The following IL12RB2 variants were observed in gnomAD, a reference collection of about 807,000 sequenced individuals.
The protein encoded by IL12RB2 is interleukin-12 receptor subunit beta-2.
Under a neutral mutation model 89.4 loss-of-function variants are expected in IL12RB2, and 82 were observed. The observed-to-expected ratio is 0.92, with a 90% CI of 0.77 to 1.10. The LOEUF is 1.10. Among genes scored for constraint, IL12RB2 ranks in the 50% least tolerant of loss-of-function variants. The pLI is 0.00. For synonymous variants in IL12RB2, 368 were observed against 370.1 expected, an observed-to-expected ratio of 0.99 and a Z score of 0.07; for missense variants, 963 against 1,031.9, an observed-to-expected ratio of 0.93 and a Z score of 0.92.
In IL12RB2 at chr1:67,345,833, A is replaced by G. The variant is rs1660155855; in HGVS notation, c.1039-5037A>G. On this transcript the variant is annotated intron_variant, in intron 9 of 16. Transcript: ENST00000674203. ...AAGTAGGGAATTTTGATTGGATAGC[A>G]GAATGTGGCCAGTGCAAAAAAATAA... Among the ~76,000 whole-genome samples, 3 of 152,244 alleles carry G rather than the reference A, an allele frequency of 2.0e-5. 1 individual carries two copies. In the South Asian group the frequency reaches 6.2e-4, roughly 31 times the overall value.
intron 9 of IL12RB2, among the ~76,000 whole-genome samples, chr1:67,339,952 C>T (rs1271611459): frequency 1.3e-5 from 2 of 152,190 alleles, no homozygotes; most frequent in Non-Finnish European, 2.9e-5. Context: ...TTTCTCAGGA[C>T]TCACATCCTC....
In IL12RB2 at chr1:67,348,170, G is replaced by A. The variant is rs142498099; in HGVS notation, c.1039-2700G>A. Among the ~76,000 whole-genome samples the A allele has an allele frequency of 3.9e-5, 6 of 152,196 alleles. No individual in the cohort carries two copies. The East Asian group carries it at 9.7e-4, about 24-fold the overall frequency. ...GCTTGTCTCCTGTGACTCAGAACCTGCTAACTCTGGAAAAAAAGGGATTCT... is the reference window on the plus strand; with the variant it reads ...GCTTGTCTCCTGTGACTCAGAACCTACTAACTCTGGAAAAAAAGGGATTCT... On this transcript the variant is annotated intron_variant, in intron 9 of 16. Coordinates refer to ENST00000674203, the MANE Select transcript of IL12RB2 (RefSeq NM_001374259.2).
chr1:67,367,246 T>TTAGC (rs2100978612), intron 10 of IL12RB2, among the ~76,000 whole-genome samples: 1 of 148,728 alleles, frequency 6.7e-6, no homozygotes, highest in African/African-American at 2.5e-5. Flanking sequence ...AAAAAAAAAA[T>TTAGC]TAGCTATGTG....
chr1:67,354,878 G>A (rs1661215767), intron 10 of IL12RB2, among the ~76,000 whole-genome samples: 1 of 152,192 alleles, frequency 6.6e-6, no homozygotes. Flanking sequence ...AGAGACCAGA[G>A]ACAAATTTAT....
intron 10 of IL12RB2, among the ~76,000 whole-genome samples, chr1:67,355,057 C>T (rs550095685): frequency 4.6e-5 from 7 of 151,056 alleles, no homozygotes; most frequent in Non-Finnish European, 8.9e-5. Context: ...TGGAGGCTGC[C>T]GTGAGCCATG....
At position 67,396,474 on chromosome 1, in the gene IL12RB2, CTACACAGCAGGCTG is replaced by C. The variant is rs1666376920; in HGVS notation, c.*396_*409del. On this transcript the variant is annotated 3_prime_UTR_variant, in exon 17 of 17. Transcript: ENST00000674203. Reference sequence around the variant, plus strand: ...GCAATGACTATTTCTAAAGCACCTGCTACACAGCAGGCTGTACACAGCAGATCAGTACTGTTCAA... The same window carrying C: ...GCAATGACTATTTCTAAAGCACCTGCTACACAGCAGATCAGTACTGTTCAA... 2.8e-6 allele frequency: 1 copy of C among 356,886 alleles called. No individual in the cohort carries two copies. Among genetic ancestry groups the C allele is most frequent in the Admixed American group, 3.9e-5 (1 of 25,870 alleles). 22.1% of individuals were successfully genotyped at this position (356,886 alleles called of 1,614,324 possible).
At chr1:67,384,979 A>G (rs1664985942) in intron 14 of IL12RB2, among the ~76,000 whole-genome samples, 1 of 152,208 alleles carries the variant, frequency 6.6e-6, no homozygotes, top group African/African-American at 2.4e-5. Context: ...GGAAATTCCA[A>G]ACTTTCCCAC....
At chr1:67,372,392 C>T (rs1304638343) in intron 11 of IL12RB2, 44 bp from the exon 12 acceptor site, 2 of 1,015,288 alleles carry the variant, frequency 2.0e-6, no homozygotes, top group African/African-American at 1.6e-5. Context: ...TAGTGACTCA[C>T]CAGTAATGGC....
At chr1:67,315,330 G>A (rs1001151662) in intron 2 of IL12RB2, among the ~76,000 whole-genome samples, 2 of 151,828 alleles carry the variant, frequency 1.3e-5, no homozygotes, top group African/African-American at 4.8e-5. Flanking sequence ...GAATGTTATA[G>A]CTTCATAAAT....
chr1:67,395,881 T>C lies in IL12RB2; in HGVS notation c.2381T>C (p.Leu794Pro). The change falls in exon 17 of 17, where the codon CTT becomes CCT. Residue 794 changes from leucine (L) to proline (P), a missense_variant. By Grantham distance (98) the Leu-to-Pro change is moderately conservative (BLOSUM62 -3). Transcript: ENST00000674203. ...TGGACGGTGCTCCCAGCAGGTGACC[T>C]TCCCACCCATGATGGCTACTTACCC... The part of the protein sequence containing the change: ...CPWTVLPAGD[L>P]PTHDGYLPSN... 3.7e-6 allele frequency: 6 copies of C among 1,608,568 alleles called. No individual in the cohort carries two copies. Among genetic ancestry groups the C allele is most frequent in the South Asian group, 1.1e-5 (1 of 90,846 alleles).
In IL12RB2 at chr1:67,344,354, G is replaced by A. The variant is rs552858712; in HGVS notation, c.1038+5651G>A. On this transcript the variant is annotated intron_variant, in intron 9 of 16. Transcript: ENST00000674203. ...GTGGCCCAGGCTGGAGTGCAGTGGC[G>A]TGATCTTGGCTCACTGCAACCTCCG... is the stretch of plus-strand genomic sequence containing the variant. Among the ~76,000 whole-genome samples the A allele has an allele frequency of 4.9e-4, 75 of 152,242 alleles. No homozygotes were observed. In the Middle Eastern group the frequency reaches 0.017, roughly 35 times the overall value.
At chr1:67,386,534 C>A in intron 14 of IL12RB2, 45 bp from the exon 15 acceptor site, 1 of 1,299,766 alleles carries the variant, frequency 7.7e-7, no homozygotes, top group South Asian at 1.2e-5. Context: ...TTGAAATGTT[C>A]ATTGGTGATA....
At chr1:67,309,080 A>G (rs1654683090) in intron 1 of IL12RB2, among the ~76,000 whole-genome samples, 2 of 151,820 alleles carry the variant, frequency 1.3e-5, no homozygotes, top group South Asian at 4.1e-4. Context: ...ACATACACAT[A>G]TATATATAAA....
intron 10 of IL12RB2, among the ~76,000 whole-genome samples, chr1:67,354,624 G>A (rs569989486): frequency 6.6e-6 from 1 of 152,264 alleles, no homozygotes; most frequent in Admixed American, 6.5e-5. Flanking sequence ...GATCACACCT[G>A]AGCCATTCAA....
rs1170552070 is a variant in IL12RB2, at chr1:67,396,133, C to T, written c.*44C>T. 1 of 1,135,346 alleles carries T rather than the reference C, an allele frequency of 8.8e-7. No individual in the cohort carries two copies. Among genetic ancestry groups the T allele is most frequent in the African/African-American group, 1.5e-5 (1 of 65,978 alleles). 70.3% of individuals were successfully genotyped at this position (1,135,346 alleles called of 1,614,324 possible). ...TTAAAGTCAGTGTGCCCTCAACCAGCACAGCCTGCCCCAATTCCCCCAGCC... is the reference window on the plus strand; with the variant it reads ...TTAAAGTCAGTGTGCCCTCAACCAGTACAGCCTGCCCCAATTCCCCCAGCC... On this transcript the variant is annotated 3_prime_UTR_variant, in exon 17 of 17. Transcript: ENST00000674203.
intron 10 of IL12RB2, among the ~76,000 whole-genome samples, chr1:67,351,426 C>A (rs1660823204): frequency 1.3e-5 from 2 of 152,210 alleles, no homozygotes; most frequent in Non-Finnish European, 2.9e-5. Flanking sequence ...ACACCAATAT[C>A]TGACTAGCTT....
At chr1:67,389,698 T>C (rs1665602545) in intron 15 of IL12RB2, among the ~76,000 whole-genome samples, 1 of 152,224 alleles carries the variant, frequency 6.6e-6, no homozygotes, top group Non-Finnish European at 1.5e-5. Flanking sequence ...ACATGTCATC[T>C]TCAATGCTTG....
chr1:67,348,769 T>A (rs1366334444), intron 9 of IL12RB2, among the ~76,000 whole-genome samples: 1 of 152,216 alleles, frequency 6.6e-6, no homozygotes, highest in African/African-American at 2.4e-5. Flanking sequence ...GAAGTTTTTG[T>A]TCCATCGACC....
chr1:67,357,741 C>G (rs1049536203), intron 10 of IL12RB2, among the ~76,000 whole-genome samples: 13 of 152,118 alleles, frequency 8.5e-5, no homozygotes, highest in African/African-American at 2.9e-4. Context: ...GTTATTGAAA[C>G]AGCTAACTCA....
Sources: allele counts gnomAD v4.1 joint callset (sites outside exome capture counted in the v4.1 genomes callset), GRCh38; gene constraint gnomAD v4.1.1; transcripts MANE v1.5; gene names NCBI Gene and HGNC (gene_info 2026-07-23, HGNC 2026-07-21).